Variants in DMXL2 observed in about 807,000 individuals in gnomAD.
DMXL2 encodes Dmx like 2.
Under a neutral mutation model 331.1 loss-of-function variants are expected in DMXL2, and 103 were observed. That is an observed-to-expected ratio of 0.31 (90% CI 0.27 to 0.37). The LOEUF (loss-of-function observed/expected upper bound fraction) is 0.37. Ranked by LOEUF, DMXL2 falls within the 10% of genes least tolerant of loss-of-function variation. DMXL2 has a pLI of 1.00. For missense variants in DMXL2, 3,171 were observed against 3,642.9 expected, an observed-to-expected ratio of 0.87 and a Z score of 3.33; for synonymous variants, 1,281 against 1,252.1, an observed-to-expected ratio of 1.02 and a Z score of -0.49.
intron 23 of DMXL2, among the ~76,000 whole-genome samples, chr15:51,483,874 C>A (rs2042199308): frequency 6.6e-6 from 1 of 151,840 alleles, no homozygotes; most frequent in African/African-American, 2.4e-5. Context: ...ACCCCTTAGC[C>A]AGCTGAACAG....
At position 51,563,536 on chromosome 15, in the gene DMXL2, A is replaced by C. The variant is rs545517210; in HGVS notation, c.501-89T>G. ...TCAAGATGAGATTTTTGTAACATCA[A>C]AGTCAGAATCCTCAGAATAAGACTG... On this transcript the variant is annotated intron_variant, in intron 5 of 43. Transcript: ENST00000560891. 2.3e-5 allele frequency: 19 copies of C among 809,126 alleles called. No homozygotes were observed. The East Asian group carries it at 5.7e-4, about 24-fold the overall frequency. The allele number at this position is 809,126 out of a possible 1,614,324, so 50.1% of individuals were successfully genotyped here. A position where few individuals can be genotyped will look rare whatever the true frequency, so the allele number is the denominator to read the frequency against.
At chr15:51,530,587 T>TAAAAA (rs550510463) in intron 13 of DMXL2, among the ~76,000 whole-genome samples, 6 of 120,228 alleles carry the variant, frequency 5.0e-5, no homozygotes, top group African/African-American at 1.5e-4. Context: ...CCATCTCTAC[T>TAAAAA]AAAAAAAAAA....
intron 6 of DMXL2, among the ~76,000 whole-genome samples, chr15:51,553,942 G>C (rs2049386057): frequency 6.6e-6 from 1 of 152,184 alleles, no homozygotes; most frequent in Non-Finnish European, 1.5e-5. Flanking sequence ...TTTTGACTGT[G>C]CAGGGGGTTG....
chr15:51,568,259 T>G, intron 3 of DMXL2: 3 of 391,894 alleles, frequency 7.7e-6, no homozygotes, highest in Admixed American at 4.8e-5. Flanking sequence ...AGATCTCAGT[T>G]AACACAGTAA....
chr15:51,579,434 C>T (rs973728150), intron 1 of DMXL2, among the ~76,000 whole-genome samples: 1 of 152,088 alleles, frequency 6.6e-6, no homozygotes, highest in Non-Finnish European at 1.5e-5. Flanking sequence ...TAATTGAGGG[C>T]CCATGAGATT....
chr15:51,480,037 C>G lies in DMXL2; in HGVS notation c.6667G>C (p.Val2223Leu), dbSNP rs746978029. The change falls in exon 25 of 44, where the codon GTA becomes CTA. Residue 2223 changes from valine to leucine, a missense_variant. Val to Leu is a conservative substitution (Grantham distance 32). Around this residue, in one of 7 missense-constraint regions of DMXL2, gnomAD observed 197 missense variants for 196.2 expected, o/e 1.00. Coordinates refer to ENST00000560891, the MANE Select transcript of DMXL2 (RefSeq NM_001378457.1). Reference sequence around the variant, plus strand: ...TGGATGTGATTATTTAAGTACAATACAGGATTAGCTATGACTGTTTTTGTT... The same window carrying G: ...TGGATGTGATTATTTAAGTACAATAGAGGATTAGCTATGACTGTTTTTGTT... Reference protein sequence around the residue: ...ASTKTVIANPVLYLNNHIHDI... With the variant: ...ASTKTVIANPLLYLNNHIHDI... 6.2e-7 allele frequency: 1 copy of G among 1,600,728 alleles called. No homozygotes were observed. The highest frequency in any genetic ancestry group is 8.5e-7 in the Non-Finnish European group (1 of 1,169,730).
rs549934389 is a variant in DMXL2 at position 51,495,217 on chromosome 15, C to T, written c.4673-83G>A. 34 of 776,056 alleles carry T rather than the reference C, an allele frequency of 4.4e-5. No individual in the cohort carries two copies. The East Asian group carries it at 9.3e-4, about 21-fold the overall frequency. The allele number at this position is 776,056 out of a possible 1,614,324, so 48.1% of individuals were successfully genotyped here. A position where few individuals can be genotyped will look rare whatever the true frequency, so the allele number is the denominator to read the frequency against. ...GATAAGCTATAAAACAAACATTAAA[C>T]TTAGTCATAATTTATATAAAATACA... is the stretch of plus-strand genomic sequence containing the variant. On this transcript the variant is annotated intron_variant, in intron 18 of 43. Transcript: ENST00000560891.
chr15:51,591,699 C>T (rs760742790), intron 1 of DMXL2, among the ~76,000 whole-genome samples: 10 of 152,146 alleles, frequency 6.6e-5, no homozygotes, highest in African/African-American at 1.4e-4. Flanking sequence ...AGACTGACAC[C>T]GCACATGGCC....
chr15:51,571,130 G>A (rs1408590186), intron 2 of DMXL2, among the ~76,000 whole-genome samples: 2 of 152,148 alleles, frequency 1.3e-5, no homozygotes, highest in Non-Finnish European at 2.9e-5. Context: ...AGCAGGGGTT[G>A]CAATCATAGT....
At chr15:51,452,372 C>G (rs899092286) in intron 41 of DMXL2, among the ~76,000 whole-genome samples, 1 of 152,034 alleles carries the variant, frequency 6.6e-6, no homozygotes, top group Non-Finnish European at 1.5e-5. Context: ...ATATATCTGA[C>G]AAGGGACTTA....
chr15:51,502,306 TTGTGTGTGTG>T (rs769283309), intron 17 of DMXL2, among the ~76,000 whole-genome samples: 7 of 140,626 alleles, frequency 5.0e-5, no homozygotes, highest in South Asian at 2.3e-4. Context: ...TTTTGTGGGT[TTGTGTGTGTG>T]TGTGTGTGTG....
chr15:51,603,923 T>C (rs753130420), intron 1 of DMXL2, among the ~76,000 whole-genome samples: 6 of 149,864 alleles, frequency 4.0e-5, no homozygotes, highest in Non-Finnish European at 5.9e-5. Flanking sequence ...AGTATTACAA[T>C]GATACCAAAA....
At chr15:51,553,576 C>T (rs1286859412) in intron 6 of DMXL2, among the ~76,000 whole-genome samples, 1 of 152,144 alleles carries the variant, frequency 6.6e-6, no homozygotes, top group Non-Finnish European at 1.5e-5. Context: ...TTTCTTCTGC[C>T]TCTGCCACCC....
At position 51,486,194 on chromosome 15, in the gene DMXL2, A is replaced by G. The variant is rs555262379; in HGVS notation, c.5361T>C (p.Ser1787=). ...AAGGATCAGGATGTAATCTTTTGCA[A>G]CTGAATCCTGAGCCATCCTTTTGGC... The part of the protein sequence containing the change: ...LGCQKDGSGF[S]CKRLHPDPFL... The change falls in exon 23 of 44, where the codon AGT becomes AGC. Residue 1787 remains serine, a synonymous_variant. Coordinates refer to ENST00000560891, the MANE Select transcript of DMXL2 (RefSeq NM_001378457.1). 3.3e-5 allele frequency: 53 copies of G among 1,614,092 alleles called. No individual in the cohort carries two copies. The Admixed American group carries it at 4.0e-4, about 12-fold the overall frequency.
Position 51,592,202 on chromosome 15 carries a change from C to T in DMXL2, c.88-16021G>A, listed in dbSNP as rs866005731. Among the ~76,000 whole-genome samples the T allele has an allele frequency of 2.2e-4, 34 of 151,856 alleles. 1 individual carries two copies. The highest frequency in any genetic ancestry group is 8.0e-4 in the African/African-American group (33 of 41,302). ...TAGACGAATGGCTAACTAGAATAAC[C>T]AATGCAGAGAAGTCCTTAAAGGACC... On this transcript the variant is annotated intron_variant, in intron 1 of 43. Transcript: ENST00000560891.
At chr15:51,598,552 C>G (rs563977530) in intron 1 of DMXL2, among the ~76,000 whole-genome samples, 16 of 152,086 alleles carry the variant, frequency 1.1e-4, no homozygotes, top group Non-Finnish European at 2.4e-4. Context: ...TTTTTAGACT[C>G]CTTTAATCTG....
chr15:51,566,120 G>C (rs1388791073), intron 3 of DMXL2, among the ~76,000 whole-genome samples: 2 of 151,986 alleles, frequency 1.3e-5, no homozygotes, highest in Admixed American at 1.3e-4. Flanking sequence ...GAGGCAGAAG[G>C]ATCACTTTAG....
rs2042011670 is a variant in DMXL2 at position 51,481,562 on chromosome 15, A to T, written c.5544T>A (p.Pro1848=). The T allele has an allele frequency of 3.1e-6, 5 of 1,607,854 alleles. No individual in the cohort carries two copies. The highest frequency in any genetic ancestry group is 3.4e-6 in the Non-Finnish European group (4 of 1,178,150). The change falls in exon 24 of 44, where the codon CCT becomes CCA. Residue 1848 remains proline (P), a synonymous_variant. Transcript: ENST00000560891. ...AGGCAAGATTTCTTCGAATGAGCAA[A>T]GGATGAGTTCGAAGGTAGTTATAAA... ...FSFYNYLRTH[P]LLIRRNLASP... is the part of the protein sequence containing the mutation.
intron 9 of DMXL2, among the ~76,000 whole-genome samples, chr15:51,539,444 A>C (rs376291679): frequency 6.6e-5 from 10 of 152,306 alleles, no homozygotes; most frequent in African/African-American, 2.2e-4. Context: ...AAGGCAGGCA[A>C]AATTCTAAGT....
Sources: gnomAD v4.1 joint callset for allele counts (sites outside exome capture counted in the v4.1 genomes callset) on GRCh38, gnomAD v4.1.1 for gene constraint, gnomAD v4.1.1 regional missense constraint, MANE v1.5 for transcripts, NCBI Gene and HGNC (gene_info 2026-07-23, HGNC 2026-07-21) for gene names.